Variants in LRRD1 observed in about 807,000 individuals in gnomAD.
LRRD1 encodes leucine-rich repeat and death domain-containing protein 1.
A neutral mutation model predicts 69.5 loss-of-function variants in LRRD1; 49 were observed. That is an observed-to-expected ratio of 0.70 (90% CI 0.56 to 0.89). The LOEUF is 0.89. Ranked by LOEUF, LRRD1 falls within the 40% of genes least tolerant of loss-of-function variation. The probability of loss-of-function intolerance (pLI) is 0.00; values close to 1 mark genes in which losing one functional copy is unlikely to be tolerated. For missense variants in LRRD1, 853 were observed against 956.0 expected (o/e 0.89, Z 1.42); for synonymous variants, 303 against 338.9 (o/e 0.89, Z 1.16).
rs554334321 is a variant in LRRD1, at chr7:92,165,115, G to A, written c.88C>T (p.Pro30Ser). The A allele has an allele frequency of 1.4e-5, 21 of 1,551,212 alleles. No individual in the cohort carries two copies. The East Asian group carries it at 4.4e-4, about 33-fold the overall frequency. The change falls in exon 2 of 6, where the codon CCT becomes TCT. Residue 30 changes from proline to serine, a missense_variant. Pro to Ser is a moderately conservative substitution (Grantham distance 74, BLOSUM62 -1). Coordinates refer to ENST00000458448, the MANE Select transcript of LRRD1 (RefSeq NM_001161528.2). ...TTTGATGTTTCTTTAATAAAGCCAG[G>A]CTCCTTCATTGACTGTGATCTAGAT... ...KESRSQSMKE[P>S]GFIKETSNLI...
intron 2 of LRRD1, among the ~76,000 whole-genome samples, chr7:92,160,622 G>A (rs1463626129): frequency 7.2e-5 from 11 of 152,046 alleles, no homozygotes; most frequent in Non-Finnish European, 1.5e-4. Context: ...AAGACCAGCC[G>A]ACCAACATGG....
chr7:92,153,981 C>T (rs560594001), intron 3 of LRRD1, among the ~76,000 whole-genome samples: 4 of 151,068 alleles, frequency 2.6e-5, no homozygotes, highest in Admixed American at 6.6e-5. Flanking sequence ...GGATTACAGG[C>T]GCCTGCCACC....
At chr7:92,170,556 G>A (rs1249162044) in intron 1 of LRRD1, among the ~76,000 whole-genome samples, 1 of 152,120 alleles carries the variant, frequency 6.6e-6, no homozygotes, top group African/African-American at 2.4e-5. Context: ...TACAATAAAG[G>A]CGTTCTAATT....
At chr7:92,152,363 T>C (rs1820492777) in intron 3 of LRRD1, among the ~76,000 whole-genome samples, 1 of 152,098 alleles carries the variant, frequency 6.6e-6, no homozygotes, top group Admixed American at 6.6e-5. Flanking sequence ...TTCCATTATA[T>C]AGATGTAAAT....
At chr7:92,150,175 G>A (rs941270229) in intron 4 of LRRD1, among the ~76,000 whole-genome samples, 4 of 152,210 alleles carry the variant, frequency 2.6e-5, no homozygotes, top group Admixed American at 6.5e-5. Context: ...ATATCAGATA[G>A]TGTCTTGTGG....
intron 1 of LRRD1, among the ~76,000 whole-genome samples, chr7:92,172,424 A>G (rs1789076392): frequency 6.6e-6 from 1 of 152,162 alleles, no homozygotes; most frequent in Admixed American, 6.6e-5. Context: ...AGGCGATATT[A>G]TTTTACACTT....
Position 92,159,123 on chromosome 7 carries a change from A to C in LRRD1, c.1998T>G (p.Ile666Met). The C allele has an allele frequency of 6.5e-7, 1 of 1,547,998 alleles. No homozygotes were observed. Among genetic ancestry groups the C allele is most frequent in the Non-Finnish European group, 8.7e-7 (1 of 1,145,322 alleles). ...TTCTCAATTCTCCTATATTTCTTGG[A>C]ATCTCTCTGATTGCATTATTTGAGA... ...LDISNNAIRE[I>M]PRNIGELRNL... The change falls in exon 3 of 6, where the codon ATT becomes ATG. Residue 666 changes from isoleucine to methionine, a missense_variant. Coordinates refer to ENST00000458448, the MANE Select transcript of LRRD1 (RefSeq NM_001161528.2).
At chr7:92,158,084 A>T (rs568096518) in intron 3 of LRRD1, among the ~76,000 whole-genome samples, 1 of 152,250 alleles carries the variant, frequency 6.6e-6, no homozygotes, top group Non-Finnish European at 1.5e-5. Flanking sequence ...AATGATATCT[A>T]CCTCCTGTTA....
intron 2 of LRRD1, among the ~76,000 whole-genome samples, chr7:92,159,467 T>A (rs1584656530): frequency 1.3e-5 from 2 of 152,004 alleles, no homozygotes; most frequent in African/African-American, 2.4e-5. Context: ...TTTGCTCACA[T>A]TCCCATCACT....
At chr7:92,156,416 A>C (rs1163147555) in intron 3 of LRRD1, among the ~76,000 whole-genome samples, 2 of 152,224 alleles carry the variant, frequency 1.3e-5, no homozygotes, top group Admixed American at 1.3e-4. Context: ...TGACATATTA[A>C]CAATATTGTC....
chr7:92,164,310 G>C lies in LRRD1; in HGVS notation c.893C>G (p.Ala298Gly). Reference protein sequence around the residue: ...EYNQLTTFPKALCFLPKLISL... With the variant: ...EYNQLTTFPKGLCFLPKLISL... ...AATTAACTTTGGAAGGAAGCAGAGA[G>C]CTTTAGGAAATGTTGTTAACTGATT... is the stretch of plus-strand genomic sequence containing the variant. The change falls in exon 2 of 6, where the codon GCT becomes GGT. Residue 298 changes from alanine (A) to glycine (G), a missense_variant. Physicochemically the swap from Ala to Gly is moderately conservative, Grantham distance 60. Coordinates refer to ENST00000458448, the MANE Select transcript of LRRD1 (RefSeq NM_001161528.2). 2 of 1,550,898 alleles carry C rather than the reference G, an allele frequency of 1.3e-6. No individual in the cohort carries two copies. Among genetic ancestry groups the C allele is most frequent in the Non-Finnish European group, 8.7e-7 (1 of 1,146,712 alleles).
chr7:92,177,010 G>A (rs1454802806), intron 1 of LRRD1, among the ~76,000 whole-genome samples: 1 of 147,352 alleles, frequency 6.8e-6, no homozygotes, highest in African/African-American at 2.5e-5. Flanking sequence ...AAAAATATAA[G>A]AAATTTATTA....
chr7:92,150,220 CTG>C (rs1215176656), intron 4 of LRRD1, among the ~76,000 whole-genome samples: 1 of 152,166 alleles, frequency 6.6e-6, no homozygotes, highest in African/African-American at 2.4e-5. Flanking sequence ...AATCCCAACA[CTG>C]AGAGACCAAG....
At position 92,150,666 on chromosome 7, in the gene LRRD1, T is replaced by A. The variant is rs1820444147; in HGVS notation, c.2146A>T (p.Ile716Phe). The A allele has an allele frequency of 6.5e-7, 1 of 1,547,392 alleles. No homozygotes were observed. Among genetic ancestry groups the A allele is most frequent in the Non-Finnish European group, 8.7e-7 (1 of 1,143,352 alleles). Residue 716 changes from isoleucine to phenylalanine, a missense_variant, in exon 4 of 6, where the codon ATC becomes TTC. Ile to Phe is a conservative substitution (Grantham distance 21). Transcript: ENST00000458448. The part of the protein sequence containing the change: ...GNNLTALPSA[I>F]YNIFSLKEIN... Reference sequence around the variant, plus strand: ...TCCTTCAGTGAAAAAATATTGTAGATAGCACTAGGTAGAGCTGTCAGATTA... The same window carrying A: ...TCCTTCAGTGAAAAAATATTGTAGAAAGCACTAGGTAGAGCTGTCAGATTA...
intron 1 of LRRD1, among the ~76,000 whole-genome samples, chr7:92,169,259 A>AC (rs986004252): frequency 8.5e-5 from 13 of 152,242 alleles, no homozygotes; most frequent in African/African-American, 3.1e-4. Context: ...TAACACACAC[A>AC]AAAAAACAGT....
rs1184495940 is a variant in LRRD1, at chr7:92,163,558, G to T, written c.1645C>A (p.Pro549Thr). Residue 549 changes from proline (P) to threonine (T), a missense_variant, in exon 2 of 6, where the codon CCA becomes ACA. Physicochemically the swap from Pro to Thr is conservative, Grantham distance 38. Transcript: ENST00000458448. ...DLGKNQIKKI[P>T]ASISNMISLH... Reference sequence around the variant, plus strand: ...GATATCATATTAGAAATTGATGCTGGAATTTTCTTTATTTGGTTTTTACCA... The same window carrying T: ...GATATCATATTAGAAATTGATGCTGTAATTTTCTTTATTTGGTTTTTACCA... 1.3e-5 allele frequency: 20 copies of T among 1,528,712 alleles called. No homozygotes were observed. The highest frequency in any genetic ancestry group is 1.7e-5 in the Non-Finnish European group (19 of 1,139,984). 94.7% of individuals were successfully genotyped at this position (1,528,712 alleles called of 1,614,324 possible). A position where few individuals can be genotyped will look rare whatever the true frequency, so the allele number is the denominator to read the frequency against.
At position 92,149,965 on chromosome 7, in the gene LRRD1, A is replaced by G. The variant is rs1398440310; in HGVS notation, c.2278+569T>C. 5 of 454,262 alleles carry G rather than the reference A, an allele frequency of 1.1e-5. No individual in the cohort carries two copies. In the East Asian group the frequency reaches 3.5e-4, roughly 32 times the overall value. The allele number at this position is 454,262 out of a possible 1,614,324, so 28.1% of individuals were successfully genotyped here. On this transcript the variant is annotated intron_variant, in intron 4 of 5. Coordinates refer to ENST00000458448, the MANE Select transcript of LRRD1 (RefSeq NM_001161528.2). Reference sequence around the variant, plus strand: ...AATGAAACACCTATTGAAGGGCATTAAGGTCAATAGGGTAGGAAACAGCCC... The same window carrying G: ...AATGAAACACCTATTGAAGGGCATTGAGGTCAATAGGGTAGGAAACAGCCC...
Position 92,164,506 on chromosome 7 carries a change from G to C in LRRD1, c.697C>G (p.Leu233Val). The C allele has an allele frequency of 6.5e-7, 1 of 1,549,988 alleles. No individual in the cohort carries two copies. Among genetic ancestry groups the C allele is most frequent in the Non-Finnish European group, 8.7e-7 (1 of 1,145,964 alleles). Residue 233 changes from leucine (L) to valine (V), a missense_variant, in exon 2 of 6, where the codon CTT (leucine) becomes GTT (valine). By Grantham distance (32) the Leu-to-Val change is conservative. Coordinates refer to ENST00000458448, the MANE Select transcript of LRRD1 (RefSeq NM_001161528.2). Reference protein sequence around the residue: ...ISHIPKEISQLGNIRQLFFYN... With the variant: ...ISHIPKEISQVGNIRQLFFYN... ...AAAAAGAGTTGTCTGATATTCCCAA[G>C]CTGAGATATTTCTTTAGGTATATGT...
intron 1 of LRRD1, among the ~76,000 whole-genome samples, chr7:92,166,415 G>C (rs547898196): frequency 6.6e-6 from 1 of 152,238 alleles, no homozygotes; most frequent in Non-Finnish European, 1.5e-5. Flanking sequence ...GAAAAAGAGG[G>C]AACATTTTCC....
Sources: allele counts gnomAD v4.1 joint callset (sites outside exome capture counted in the v4.1 genomes callset), GRCh38; gene constraint gnomAD v4.1.1; transcripts MANE v1.5; gene names NCBI Gene and HGNC (gene_info 2026-07-23, HGNC 2026-07-21).